The following SGCD variants were observed in gnomAD, a reference collection of about 807,000 sequenced individuals.
SGCD encodes the protein sarcoglycan delta.
In SGCD, 18 loss-of-function variants were observed where a neutral mutation model predicts 36.6. The ratio of observed to expected loss-of-function variants is 0.49; its 90% CI spans 0.34 to 0.73. The LOEUF (loss-of-function observed/expected upper bound fraction) is 0.73. SGCD is among the 30% of genes least tolerant of loss of function. The pLI, the probability that SGCD is intolerant of heterozygous loss-of-function variation, is 0.01. For synonymous variants in SGCD, 133 were observed against 130.6 expected, an observed-to-expected ratio of 1.02 and a Z score of -0.12; for missense variants, 387 against 346.7, an observed-to-expected ratio of 1.12 and a Z score of -0.92.
intron 1 of SGCD, among the ~76,000 whole-genome samples, chr5:156,008,395 A>C (rs1758794178): frequency 6.6e-6 from 1 of 151,352 alleles, no homozygotes; most frequent in South Asian, 2.1e-4. Context: ...TATTTTTTTG[A>C]GACAGGTTCT....
chr5:156,599,445 G>A (rs912455111), intron 6 of SGCD, among the ~76,000 whole-genome samples: 7 of 152,144 alleles, frequency 4.6e-5, no homozygotes, highest in African/African-American at 1.7e-4. Flanking sequence ...TATGTAAAAA[G>A]TCAATTATTT....
chr5:156,112,261 T>G (rs1056397049), intron 1 of SGCD, among the ~76,000 whole-genome samples: 3 of 152,180 alleles, frequency 2.0e-5, no homozygotes, highest in Non-Finnish European at 4.4e-5. Context: ...ACCAGATGGC[T>G]AAGAACAATT....
At chr5:156,113,111 G>A (rs867512475) in intron 1 of SGCD, among the ~76,000 whole-genome samples, 12 of 152,194 alleles carry the variant, frequency 7.9e-5, no homozygotes, top group Middle Eastern at 3.4e-3. Flanking sequence ...TCTTCTATGC[G>A]GTGAGCCCAT....
Position 156,407,049 on chromosome 5 carries a change from C to T in SGCD, c.192+62372C>T, listed in dbSNP as rs142901700. Among the ~76,000 whole-genome samples the T allele has an allele frequency of 1.7e-4, 26 of 151,834 alleles. No homozygotes were observed. The East Asian group carries it at 2.9e-3, about 17-fold the overall frequency. ...AGGCTAGGCCAGTCTTGCTTTTTCA[C>T]GTTTTTCTGCCTGCTTTATATTCAC... is the stretch of plus-strand genomic sequence containing the variant. On this transcript the variant is annotated intron_variant, in intron 3 of 8. Transcript: ENST00000337851.
chr5:156,202,940 C>T (rs1410012948), intron 3 of SGCD, among the ~76,000 whole-genome samples: 2 of 151,860 alleles, frequency 1.3e-5, no homozygotes, highest in African/African-American at 2.4e-5. Flanking sequence ...ATTGAATTTT[C>T]ATAGGCAAGC....
At chr5:156,280,167 A>T (rs540876175) in intron 3 of SGCD, among the ~76,000 whole-genome samples, 34 of 152,296 alleles carry the variant, frequency 2.2e-4, no homozygotes, top group African/African-American at 7.2e-4. Flanking sequence ...AATGATAATT[A>T]AAAAACAAAA....
chr5:156,671,809 G>A (rs1016979237), intron 7 of SGCD, among the ~76,000 whole-genome samples: 2 of 152,170 alleles, frequency 1.3e-5, no homozygotes, highest in Non-Finnish European at 2.9e-5. Context: ...GCATGGCACT[G>A]GCATCTGCTA....
intron 1 of SGCD, among the ~76,000 whole-genome samples, chr5:155,967,628 A>G (rs769752494): frequency 2.0e-5 from 3 of 152,088 alleles, no homozygotes; most frequent in Admixed American, 6.6e-5. Context: ...CTCTCTTAGC[A>G]CAATGCTCTT....
intron 3 of SGCD, among the ~76,000 whole-genome samples, chr5:156,502,220 G>T (rs1190171110): frequency 6.6e-6 from 1 of 151,450 alleles, no homozygotes; most frequent in Non-Finnish European, 1.5e-5. Context: ...CTAATTTTTT[G>T]TATTTTTAGT....
chr5:156,706,025 G>C (rs1369956446), intron 7 of SGCD, among the ~76,000 whole-genome samples: 1 of 152,128 alleles, frequency 6.6e-6, no homozygotes, highest in Non-Finnish European at 1.5e-5. Flanking sequence ...TCACTTGAAA[G>C]ATAAATTTAA....
At chr5:155,996,868 GATAGATAGATAGATA>G (rs1758559611) in intron 1 of SGCD, among the ~76,000 whole-genome samples, 2 of 107,760 alleles carry the variant, frequency 1.9e-5, no homozygotes, top group Admixed American at 8.1e-5. Context: ...TGGATGGATA[GATAGATAGATAGATA>G]GATAGATAGA....
rs183331506 is a variant in SGCD at position 156,674,683 on chromosome 5, T to A, written c.575+27147T>A. 2.0e-3 allele frequency among the ~76,000 whole-genome samples: 307 copies of A among 152,260 alleles called. 1 individual carries two copies. Among genetic ancestry groups the A allele is most frequent in the African/African-American group, 6.7e-3 (277 of 41,546 alleles). On this transcript the variant is annotated intron_variant, in intron 7 of 8. Coordinates refer to ENST00000337851, the MANE Select transcript of SGCD (RefSeq NM_000337.6). ...AAGATTCTAAGACTCAGGCTTCAAG[T>A]GCTGCTCAAAAATACAGTTAGACCA...
At chr5:155,796,798 C>T in the SGCD span, among the ~76,000 whole-genome samples, 54 of 67,510 alleles carry the variant, frequency 8.0e-4, no homozygotes, top group African/African-American at 3.1e-3. Flanking sequence ...AAGAGTGAAA[C>T]TCCATCTCAA....
intron 1 of SGCD, among the ~76,000 whole-genome samples, chr5:155,960,238 T>C (rs896047089): frequency 4.6e-5 from 7 of 152,118 alleles, no homozygotes; most frequent in African/African-American, 1.7e-4. Flanking sequence ...CAAGGACATC[T>C]GTTTCTCTCA....
rs1203634445 is a variant in SGCD at position 156,746,074 on chromosome 5, T to C, written c.576-11507T>C. Among the ~76,000 whole-genome samples, 4 of 151,478 alleles carry C rather than the reference T, an allele frequency of 2.6e-5. No individual in the cohort carries two copies. In the East Asian group the frequency reaches 7.7e-4, roughly 29 times the overall value. ...AAAATACTGCAAATAAAGCGAAATT[T>C]ACATGCAGACATATCAGAATGACAC... On this transcript the variant is annotated intron_variant, in intron 7 of 8. Coordinates refer to ENST00000337851, the MANE Select transcript of SGCD (RefSeq NM_000337.6).
At chr5:155,948,661 AATG>A (rs1215953853) in intron 1 of SGCD, among the ~76,000 whole-genome samples, 1 of 152,184 alleles carries the variant, frequency 6.6e-6, no homozygotes, top group Non-Finnish European at 1.5e-5. Flanking sequence ...GGGATTTGCT[AATG>A]ATCTTAAATG....
intron 1 of SGCD, among the ~76,000 whole-genome samples, chr5:156,047,889 T>C (rs1194491801): frequency 2.0e-5 from 3 of 152,138 alleles, no homozygotes; most frequent in African/African-American, 7.2e-5. Flanking sequence ...TAGTTACATA[T>C]GTATACATGT....
chr5:156,121,093 C>G (rs1416920572), intron 2 of SGCD, among the ~76,000 whole-genome samples: 2 of 152,028 alleles, frequency 1.3e-5, no homozygotes, highest in Non-Finnish European at 2.9e-5. Context: ...GGAGATGGTC[C>G]AGACAAAGTT....
chr5:156,524,094 C>CTATATA (rs60414987), intron 4 of SGCD, among the ~76,000 whole-genome samples: 17 of 40,558 alleles, frequency 4.2e-4, no homozygotes, highest in East Asian at 1.3e-3. Flanking sequence ...TGAGGTCTTA[C>CTATATA]TATATATATA....
Sources: gnomAD v4.1 joint callset for allele counts (sites outside exome capture counted in the v4.1 genomes callset) on GRCh38, gnomAD v4.1.1 for gene constraint, MANE v1.5 for transcripts, NCBI Gene and HGNC (gene_info 2026-07-23, HGNC 2026-07-21) for gene names.